The following ARHGEF26 variants were observed in gnomAD, a reference collection of about 807,000 sequenced individuals.
ARHGEF26 encodes the protein Rho guanine nucleotide exchange factor 26.
ARHGEF26 carries 59 observed loss-of-function variants against 89.4 expected under a neutral mutation model. That is an observed-to-expected ratio of 0.66 (90% CI 0.54 to 0.82). The LOEUF is 0.82. Among genes scored for constraint, ARHGEF26 ranks in the 40% least tolerant of loss-of-function variants. ARHGEF26 has a pLI of 0.00. For synonymous variants in ARHGEF26, 500 were observed against 428.4 expected (o/e 1.17, Z -2.06); for missense variants, 1,234 against 1,085.6 (o/e 1.14, Z -1.92).
Position 154,122,084 on chromosome 3 carries a change from G to A in ARHGEF26, c.92G>A (p.Gly31Asp), listed in dbSNP as rs959638150. The A allele has an allele frequency of 2.5e-6, 4 of 1,611,454 alleles. No homozygotes were observed. The African/African-American group carries it at 4.0e-5, about 16-fold the overall frequency. Reference protein sequence around the residue: ...RSIPQPHQVLGRSKPRPQSYQ... With the variant: ...RSIPQPHQVLDRSKPRPQSYQ... ...ATTCCTCAGCCCCACCAGGTTCTGG[G>A]CCGGAGCAAGCCGAGGCCCCAGTCC... is the stretch of plus-strand genomic sequence containing the variant. Residue 31 changes from glycine (G) to aspartate (D), a missense_variant, in exon 2 of 15, where the codon GGC (glycine) becomes GAC (aspartate). Physicochemically the swap from Gly to Asp is moderately conservative, Grantham distance 94. Coordinates refer to ENST00000465093, the MANE Select transcript of ARHGEF26 (RefSeq NM_015595.4).
chr3:154,132,352 C>T (rs192926469), intron 4 of ARHGEF26, among the ~76,000 whole-genome samples: 1 of 152,058 alleles, frequency 6.6e-6, no homozygotes, highest in Non-Finnish European at 1.5e-5. Context: ...TCCTTCCTTT[C>T]CAGTTCTTTT....
chr3:154,174,160 T>G (rs1030760336), intron 6 of ARHGEF26, among the ~76,000 whole-genome samples: 1 of 152,214 alleles, frequency 6.6e-6, no homozygotes, highest in Non-Finnish European at 1.5e-5. Context: ...GAGATGGGTC[T>G]GAGTAGTGGG....
In ARHGEF26 at chr3:154,254,701, T is replaced by C. The variant is rs1246321052; in HGVS notation, c.2369-19T>C. On this transcript the variant is annotated intron_variant, in intron 13 of 14. Coordinates refer to ENST00000465093, the MANE Select transcript of ARHGEF26 (RefSeq NM_015595.4). ...TTTCTCTGCTACTGGAAACTTAGTATGTCCTCTTTTGGCCTCAGCACTGAC... is the reference window on the plus strand; with the variant it reads ...TTTCTCTGCTACTGGAAACTTAGTACGTCCTCTTTTGGCCTCAGCACTGAC... The C allele has an allele frequency of 3.7e-6, 6 of 1,603,860 alleles. No individual in the cohort carries two copies. The East Asian group carries it at 1.1e-4, about 30-fold the overall frequency.
intron 6 of ARHGEF26, among the ~76,000 whole-genome samples, chr3:154,157,002 T>G (rs1267211364): frequency 6.6e-6 from 1 of 152,132 alleles, no homozygotes; most frequent in East Asian, 1.9e-4. Flanking sequence ...TGTTGTCTAG[T>G]CCCCTGTATT....
At chr3:154,124,586 G>C in intron 3 of ARHGEF26, 137 bp downstream of exon 3, 2 of 765,782 alleles carry the variant, frequency 2.6e-6, no homozygotes, top group Non-Finnish European at 4.0e-6. Context: ...ACAGTCCAAA[G>C]CTTCTCACTA....
rs1718015478 is a variant in ARHGEF26 at position 154,122,419 on chromosome 3, G to C, written c.427G>C (p.Val143Leu). 3.1e-6 allele frequency: 5 copies of C among 1,610,994 alleles called. No individual in the cohort carries two copies. Among genetic ancestry groups the C allele is most frequent in the Non-Finnish European group, 4.2e-6 (5 of 1,178,980 alleles). ...VTLPAPPPPP[V>L]LRPPRTPNAP... ...CTTGCCTGCGCCGCCGCCGCCGCCG[G>C]TTCTGCGCCCCCCGCGGACTCCTAA... Residue 143 changes from valine to leucine, a missense_variant, in exon 2 of 15, where the codon GTT (valine) becomes CTT (leucine). Val to Leu is a conservative substitution (Grantham distance 32, BLOSUM62 1). Transcript: ENST00000465093.
chr3:154,133,887 T>C (rs995057364), intron 4 of ARHGEF26, among the ~76,000 whole-genome samples: 2 of 152,224 alleles, frequency 1.3e-5, no homozygotes, highest in Non-Finnish European at 2.9e-5. Flanking sequence ...AGCAGTGTTT[T>C]GTACTTGTAG....
chr3:154,229,535 G>C (rs772007110), intron 11 of ARHGEF26, among the ~76,000 whole-genome samples: 20 of 152,286 alleles, frequency 1.3e-4, no homozygotes, highest in South Asian at 2.1e-4. Context: ...AGTTATCTGG[G>C]TACTGCAAGA....
Position 154,240,479 on chromosome 3 carries a change from C to G in ARHGEF26, c.2200C>G (p.Leu734Val). Reference sequence around the variant, plus strand: ...TCCAGGGAAGAACAGCTCCACAATGCTCTATTCAAGACAGAGCTCTGCCAG... The same window carrying G: ...TCCAGGGAAGAACAGCTCCACAATGGTCTATTCAAGACAGAGCTCTGCCAG... ...SSPGKNSSTM[L>V]YSRQSSASHL... The change falls in exon 12 of 15, where the codon CTC becomes GTC. Residue 734 changes from leucine (L) to valine (V), a missense_variant. Leu to Val is a conservative substitution (Grantham distance 32). Transcript: ENST00000465093. 1 of 1,613,368 alleles carries G rather than the reference C, an allele frequency of 6.2e-7. No homozygotes were observed. Among genetic ancestry groups the G allele is most frequent in the Non-Finnish European group, 8.5e-7 (1 of 1,179,580 alleles).
chr3:154,178,283 A>G (rs754370480), intron 6 of ARHGEF26, among the ~76,000 whole-genome samples: 6 of 152,190 alleles, frequency 3.9e-5, no homozygotes, highest in Non-Finnish European at 8.8e-5. Context: ...ACCCATTAAA[A>G]TTGTATAATT....
intron 4 of ARHGEF26, among the ~76,000 whole-genome samples, chr3:154,139,773 G>T (rs963548542): frequency 6.6e-6 from 1 of 152,096 alleles, no homozygotes; most frequent in African/African-American, 2.4e-5. Flanking sequence ...TTTATCTGGA[G>T]CACATATAGC....
chr3:154,137,826 A>AG (rs1553783752), intron 4 of ARHGEF26, among the ~76,000 whole-genome samples: 36 of 151,080 alleles, frequency 2.4e-4, no homozygotes, highest in African/African-American at 6.6e-4. Flanking sequence ...AAAAAAAAAA[A>AG]AAGAAGAAGA....
intron 6 of ARHGEF26, among the ~76,000 whole-genome samples, chr3:154,181,221 G>A (rs1484321523): frequency 6.6e-6 from 1 of 152,148 alleles, no homozygotes; most frequent in South Asian, 2.1e-4. Flanking sequence ...TCTGTATTAG[G>A]AAAGTATTTC....
chr3:154,256,680 A>G lies in ARHGEF26; in HGVS notation c.*1207A>G. 8.1e-7 allele frequency: 1 copy of G among 1,240,596 alleles called. No homozygotes were observed. Among genetic ancestry groups the G allele is most frequent in the Non-Finnish European group, 1.0e-6 (1 of 994,396 alleles). 76.8% of individuals were successfully genotyped at this position (1,240,596 alleles called of 1,614,324 possible). A position where few individuals can be genotyped will look rare whatever the true frequency, so the allele number is the denominator to read the frequency against. On this transcript the variant is annotated 3_prime_UTR_variant, in exon 15 of 15. Transcript: ENST00000465093. ...CGTTTCCAAATAGAAATTAGCTGGA[A>G]CACACTACAGTAATCTCAAGGAAGG...
chr3:154,219,082 A>G (rs1451344465), intron 10 of ARHGEF26, among the ~76,000 whole-genome samples: 1 of 152,220 alleles, frequency 6.6e-6, no homozygotes, highest in Non-Finnish European at 1.5e-5. Context: ...AATAGTTTTA[A>G]TGTTCTTGTA....
chr3:154,133,940 AT>A (rs1183750436), intron 4 of ARHGEF26, among the ~76,000 whole-genome samples: 14 of 151,954 alleles, frequency 9.2e-5, no homozygotes, highest in East Asian at 5.8e-4. Context: ...TAGGTATCTT[AT>A]TTTTTTGTGG....
In ARHGEF26 at chr3:154,225,987, G is replaced by C; in HGVS notation, c.2067G>C (p.Val689=). 3.1e-6 allele frequency: 5 copies of C among 1,611,438 alleles called. No homozygotes were observed. Among genetic ancestry groups the C allele is most frequent in the Non-Finnish European group, 4.2e-6 (5 of 1,178,934 alleles). Residue 689 remains valine, a synonymous_variant, in exon 11 of 15, where the codon GTG becomes GTC. Coordinates refer to ENST00000465093, the MANE Select transcript of ARHGEF26 (RefSeq NM_015595.4). ...TCTACTTCTTTCTCTTTAACGATGT[G>C]CTCATTATCACCAAGAAGAAGAGGT... ...QQVYFFLFND[V]LIITKKKSEE...
intron 13 of ARHGEF26, 146 bp downstream of exon 13, chr3:154,253,329 G>C (rs929035531): frequency 1.1e-6 from 1 of 875,430 alleles, no homozygotes; most frequent in Non-Finnish European, 1.8e-6. Context: ...AAAAATGTAT[G>C]ATCCTTGCTT....
chr3:154,168,764 T>G (rs1242214136), intron 6 of ARHGEF26, among the ~76,000 whole-genome samples: 3 of 152,172 alleles, frequency 2.0e-5, no homozygotes, highest in Non-Finnish European at 4.4e-5. Context: ...TAAAAATGGT[T>G]TCTTATTGTC....
Sources: gnomAD v4.1 joint callset for allele counts (sites outside exome capture counted in the v4.1 genomes callset) on GRCh38, gnomAD v4.1.1 for gene constraint, MANE v1.5 for transcripts, NCBI Gene and HGNC (gene_info 2026-07-23, HGNC 2026-07-21) for gene names.